Variants in CERS6 observed in about 807,000 individuals in gnomAD.
CERS6 encodes the protein ceramide synthase 6.
In CERS6, 26 loss-of-function variants were observed where a neutral mutation model predicts 56.8. The observed-to-expected ratio is 0.46, with a 90% CI of 0.34 to 0.63. The LOEUF is 0.63. CERS6 is among the 30% of genes least tolerant of loss of function. The pLI is 0.01. For synonymous variants in CERS6, 164 were observed against 173.3 expected, an observed-to-expected ratio of 0.95 and a Z score of 0.42; for missense variants, 415 against 467.5, an observed-to-expected ratio of 0.89 and a Z score of 1.04.
chr2:168,617,919 G>C (rs892498246), intron 3 of CERS6, among the ~76,000 whole-genome samples: 1 of 151,870 alleles, frequency 6.6e-6, no homozygotes, highest in Non-Finnish European at 1.5e-5. Context: ...ACCAAGAAAG[G>C]ACATAACCAA....
At chr2:168,747,856 C>CACAT (rs397754887) in intron 8 of CERS6, among the ~76,000 whole-genome samples, 1 of 149,764 alleles carries the variant, frequency 6.7e-6, no homozygotes, top group Non-Finnish European at 1.5e-5. Context: ...CACACACACA[C>CACAT]GCATTTGCCA....
intron 1 of CERS6, among the ~76,000 whole-genome samples, chr2:168,459,161 T>G (rs926052862): frequency 2.0e-5 from 3 of 152,266 alleles, no homozygotes; most frequent in Admixed American, 6.5e-5. Flanking sequence ...TGCTTTGTCA[T>G]TTATTTCAAA....
chr2:168,745,945 G>A (rs1684085630), intron 8 of CERS6, among the ~76,000 whole-genome samples: 1 of 152,190 alleles, frequency 6.6e-6, no homozygotes, highest in African/African-American at 2.4e-5. Context: ...CACCTCCCAG[G>A]CCCATCAGTG....
intron 4 of CERS6, chr2:168,644,100 G>C: frequency 1.0e-6 from 1 of 985,258 alleles, no homozygotes; most frequent in Non-Finnish European, 1.2e-6. Context: ...CAGCTTACAG[G>C]CTAATAGGAG....
At chr2:168,540,653 T>C (rs945521137) in intron 1 of CERS6, among the ~76,000 whole-genome samples, 1 of 152,250 alleles carries the variant, frequency 6.6e-6, no homozygotes, top group African/African-American at 2.4e-5. Flanking sequence ...ATCCCTATTG[T>C]TAAGTGATGC....
At chr2:168,679,637 A>T (rs968915836) in intron 4 of CERS6, among the ~76,000 whole-genome samples, 11 of 152,154 alleles carry the variant, frequency 7.2e-5, no homozygotes, top group African/African-American at 2.7e-4. Flanking sequence ...GTTCAGGGAG[A>T]TTAGTACCTC....
chr2:168,595,776 T>C (rs1364528077), intron 3 of CERS6, among the ~76,000 whole-genome samples: 1 of 152,204 alleles, frequency 6.6e-6, no homozygotes, highest in Non-Finnish European at 1.5e-5. Context: ...TGCCTTATAA[T>C]TGGAAAAAAG....
At chr2:168,731,897 A>T (rs548631955) in intron 8 of CERS6, among the ~76,000 whole-genome samples, 1 of 152,324 alleles carries the variant, frequency 6.6e-6, no homozygotes, top group South Asian at 2.1e-4. Context: ...CTTTCCTAGA[A>T]CACTGCATTA....
intron 4 of CERS6, among the ~76,000 whole-genome samples, chr2:168,661,493 C>A (rs1296796517): frequency 6.6e-6 from 1 of 152,150 alleles, no homozygotes; most frequent in African/African-American, 2.4e-5. Context: ...AAACCTTTCT[C>A]CTCATTTAAG....
At chr2:168,633,137 C>T (rs190239171) in intron 4 of CERS6, among the ~76,000 whole-genome samples, 1 of 149,922 alleles carries the variant, frequency 6.7e-6, no homozygotes, top group South Asian at 2.1e-4. Flanking sequence ...AATTTCCTTT[C>T]AACTGCCTCT....
At chr2:168,749,872 C>G (rs1301863009) in intron 8 of CERS6, among the ~76,000 whole-genome samples, 2 of 152,172 alleles carry the variant, frequency 1.3e-5, no homozygotes, top group African/African-American at 4.8e-5. Context: ...TGTGTGTGCT[C>G]CTGCAGAGCA....
intron 3 of CERS6, among the ~76,000 whole-genome samples, chr2:168,619,871 A>G (rs1684418401): frequency 6.6e-6 from 1 of 151,522 alleles, no homozygotes; most frequent in Non-Finnish European, 1.5e-5. Context: ...TGAAAAAGAT[A>G]CTTGCACACT....
rs569206996 is a variant in CERS6 at position 168,569,352 on chromosome 2, G to A, written c.407+8030G>A. 2.0e-5 allele frequency among the ~76,000 whole-genome samples: 3 copies of A among 152,304 alleles called. No individual in the cohort carries two copies. The East Asian group carries it at 5.8e-4, about 29-fold the overall frequency. On this transcript the variant is annotated intron_variant, in intron 3 of 9. Coordinates refer to ENST00000305747, the MANE Select transcript of CERS6 (RefSeq NM_203463.3). The stretch of plus-strand genomic sequence containing the variant: ...GTAGGGCTTCAACGTATGTGTTCTG[G>A]GGGCACACAATTCAGTCTGTAACAA...
chr2:168,739,179 G>A (rs957142299), intron 8 of CERS6, among the ~76,000 whole-genome samples: 2 of 148,392 alleles, frequency 1.3e-5, no homozygotes, highest in Admixed American at 7.0e-5. Context: ...AAAGTGCTAG[G>A]ATTACAGGCG....
intron 1 of CERS6, among the ~76,000 whole-genome samples, chr2:168,494,538 A>T (rs1354474282): frequency 6.6e-6 from 1 of 152,174 alleles, no homozygotes; most frequent in Admixed American, 6.5e-5. Context: ...GTTTCTCAAT[A>T]TCTTCAAAGG....
intron 4 of CERS6, among the ~76,000 whole-genome samples, chr2:168,688,546 G>C (rs1686416013): frequency 6.6e-6 from 1 of 152,170 alleles, no homozygotes; most frequent in South Asian, 2.1e-4. Flanking sequence ...AATTGGGAAA[G>C]ATATTTGTTC....
In CERS6 at chr2:168,561,259, G is replaced by A. The variant is rs778081351; in HGVS notation, c.344G>A (p.Arg115His). The change falls in exon 3 of 10, where the codon CGC becomes CAC. Residue 115 changes from arginine to histidine, a missense_variant. Coordinates refer to ENST00000305747, the MANE Select transcript of CERS6 (RefSeq NM_203463.3). Reference sequence around the variant, plus strand: ...GACTGGGATGTTCGAAGCATTCAGCGCTGGTTTCGACAAAGACGCAATCAG... The same window carrying A: ...GACTGGGATGTTCGAAGCATTCAGCACTGGTTTCGACAAAGACGCAATCAG... Reference protein sequence around the residue: ...QLDWDVRSIQRWFRQRRNQEK... With the variant: ...QLDWDVRSIQHWFRQRRNQEK... 23 of 1,614,104 alleles carry A rather than the reference G, an allele frequency of 1.4e-5. No homozygotes were observed. Among genetic ancestry groups the A allele is most frequent in the East Asian group, 2.2e-5 (1 of 44,888 alleles).
rs1014737365 is a variant in CERS6, at chr2:168,558,614, A to C, written c.277-2578A>C. On this transcript the variant is annotated intron_variant, in intron 2 of 9. Transcript: ENST00000305747. ...GCTGGGCGCGGTGGCTCACGCCTGT[A>C]ATCCCAGCACTTTGGGAGGCCAAGG... Among the ~76,000 whole-genome samples, 4 of 152,250 alleles carry C rather than the reference A, an allele frequency of 2.6e-5. No homozygotes were observed. In the East Asian group the frequency reaches 7.7e-4, roughly 29 times the overall value.
rs116653943 is a variant in CERS6 at position 168,586,599 on chromosome 2, A to T, written c.407+25277A>T. On this transcript the variant is annotated intron_variant, in intron 3 of 9. Transcript: ENST00000305747. Reference sequence around the variant, plus strand: ...TGGAGTTACCCAACACTAGACACATAGATAAAATGATTGTTTGGGGTCCAT... The same window carrying T: ...TGGAGTTACCCAACACTAGACACATTGATAAAATGATTGTTTGGGGTCCAT... Among the ~76,000 whole-genome samples the T allele has an allele frequency of 4.4e-3, 672 of 152,302 alleles. 7 individuals are homozygous for T. Among genetic ancestry groups the T allele is most frequent in the African/African-American group, 0.015 (626 of 41,552 alleles).
Sources: gnomAD v4.1 joint callset for allele counts (sites outside exome capture counted in the v4.1 genomes callset) on GRCh38, gnomAD v4.1.1 for gene constraint, MANE v1.5 for transcripts, NCBI Gene and HGNC (gene_info 2026-07-23, HGNC 2026-07-21) for gene names.